The following HM13 variants were observed in gnomAD, a reference collection of about 807,000 sequenced individuals.
HM13 encodes the protein signal peptide peptidase.
Under a neutral mutation model 50.0 loss-of-function variants are expected in HM13, and 18 were observed. The ratio of observed to expected loss-of-function variants is 0.36; its 90% confidence interval spans 0.25 to 0.53. The LOEUF (loss-of-function observed/expected upper bound fraction) is 0.53. HM13 is among the 20% of genes least tolerant of loss of function. The pLI is 0.90. For synonymous variants in HM13, 197 were observed against 232.6 expected, an observed-to-expected ratio of 0.85 and a Z score of 1.39; for missense variants, 393 against 552.4, an observed-to-expected ratio of 0.71 and a Z score of 2.89.
At chr20:31,521,809 A>G (rs894010105) in intron 1 of HM13, among the ~76,000 whole-genome samples, 2 of 150,036 alleles carry the variant, frequency 1.3e-5, no homozygotes. Context: ...CAGTGCAGTA[A>G]TGTTATTGTT....
At chr20:31,518,903 G>A (rs1981974966) in intron 1 of HM13, among the ~76,000 whole-genome samples, 1 of 151,860 alleles carries the variant, frequency 6.6e-6, no homozygotes, top group Non-Finnish European at 1.5e-5. Context: ...CATCTTTTAT[G>A]GTGGGGAGGG....
At chr20:31,530,426 T>C (rs1982747298) in intron 2 of HM13, among the ~76,000 whole-genome samples, 1 of 151,724 alleles carries the variant, frequency 6.6e-6, no homozygotes, top group Admixed American at 6.6e-5. Flanking sequence ...TTTTTTTTTT[T>C]TGAGACAGAG....
At chr20:31,559,372 G>A (rs1269376746) in intron 8 of HM13, among the ~76,000 whole-genome samples, 2 of 152,168 alleles carry the variant, frequency 1.3e-5, no homozygotes, top group South Asian at 2.1e-4. Flanking sequence ...GACATAGTAT[G>A]ATGCGGTGAG....
At chr20:31,566,145 GCT>G in intron 10 of HM13, 63 bp from the exon 11 acceptor site, 1 of 1,226,908 alleles carries the variant, frequency 8.2e-7, no homozygotes, top group Non-Finnish European at 1.2e-6. Context: ...GGTTTGGGGT[GCT>G]GGGCACGGCC....
chr20:31,550,375 G>A (rs1389093879), intron 7 of HM13: 9 of 503,622 alleles, frequency 1.8e-5, no homozygotes, highest in African/African-American at 5.8e-5. Context: ...AGCATGGAGG[G>A]GAAGTGTTTA....
chr20:31,553,529 C>T (rs1484837598), intron 7 of HM13, among the ~76,000 whole-genome samples: 1 of 152,058 alleles, frequency 6.6e-6, no homozygotes, highest in Non-Finnish European at 1.5e-5. Flanking sequence ...GTTGTCTACC[C>T]GTTTCACAGG....
intron 1 of HM13, among the ~76,000 whole-genome samples, chr20:31,519,381 G>A (rs1277655164): frequency 1.3e-5 from 2 of 152,198 alleles, no homozygotes; most frequent in Non-Finnish European, 2.9e-5. Context: ...GATTACAGGC[G>A]TGAGCCACCA....
intron 2 of HM13, among the ~76,000 whole-genome samples, chr20:31,533,218 C>T (rs973914244): frequency 6.6e-6 from 1 of 152,170 alleles, no homozygotes; most frequent in Non-Finnish European, 1.5e-5. Flanking sequence ...TTTAAAACTT[C>T]AGGGCTGAGT....
chr20:31,518,079 G>A (rs1206083307), intron 1 of HM13, among the ~76,000 whole-genome samples: 3 of 148,826 alleles, frequency 2.0e-5, no homozygotes, highest in Admixed American at 1.4e-4. Flanking sequence ...CTTGTTGCCC[G>A]GGCTGGAGTG....
intron 7 of HM13, among the ~76,000 whole-genome samples, chr20:31,552,057 A>C (rs1376684908): frequency 2.0e-5 from 3 of 151,848 alleles, no homozygotes; most frequent in Non-Finnish European, 4.4e-5. Flanking sequence ...GCAGCCCCCG[A>C]GAACCAAGTG....
intron 8 of HM13, among the ~76,000 whole-genome samples, chr20:31,556,802 T>C (rs992078782): frequency 7.2e-5 from 11 of 151,948 alleles, no homozygotes; most frequent in African/African-American, 2.2e-4. Flanking sequence ...GGGTGGATCA[T>C]GAGGTCAGGA....
intron 7 of HM13, chr20:31,550,595 A>C (rs1347784530): frequency 6.4e-6 from 1 of 155,244 alleles, no homozygotes; most frequent in Non-Finnish European, 1.4e-5. Context: ...CGAAAATCTG[A>C]AATCCAGAAT....
At chr20:31,561,883 C>G in intron 10 of HM13, 147 bp downstream of exon 10, 2 of 674,980 alleles carry the variant, frequency 3.0e-6, no homozygotes, top group Non-Finnish European at 5.3e-6. Flanking sequence ...TCTTGGCCTT[C>G]CATTTGTGGT....
intron 2 of HM13, among the ~76,000 whole-genome samples, chr20:31,533,086 C>A (rs73233635): frequency 6.6e-6 from 1 of 152,226 alleles, no homozygotes; most frequent in Admixed American, 6.5e-5. Context: ...TGGCCTCCCC[C>A]CTGACATCTG....
At chr20:31,558,548 C>T (rs893845309) in intron 8 of HM13, among the ~76,000 whole-genome samples, 1 of 128,400 alleles carries the variant, frequency 7.8e-6, no homozygotes, top group Non-Finnish European at 1.5e-5. Flanking sequence ...ACATGCTGTT[C>T]TCTCCTCCTG....
At chr20:31,531,920 C>T (rs1982843525) in intron 2 of HM13, among the ~76,000 whole-genome samples, 1 of 152,056 alleles carries the variant, frequency 6.6e-6, no homozygotes, top group African/African-American at 2.4e-5. Context: ...ATGATCACAC[C>T]ACTGAACTCC....
intron 4 of HM13, chr20:31,547,724 GA>G (rs1983806502): frequency 8.6e-7 from 1 of 1,160,456 alleles, no homozygotes. Flanking sequence ...TTTAGACAAA[GA>G]AAGGGGCCTT....
At position 31,527,594 on chromosome 20, in the gene HM13, G is replaced by T; in HGVS notation, c.282+12G>T. 6.4e-7 allele frequency: 1 copy of T among 1,568,274 alleles called. No individual in the cohort carries two copies. The highest frequency in any genetic ancestry group is 8.8e-7 in the Non-Finnish European group (1 of 1,140,036). On this transcript the variant is annotated intron_variant, in intron 2 of 12. Transcript: ENST00000398174. The stretch of plus-strand genomic sequence containing the variant: ...ACCTCTTTTTCAAAGTAAGTCTTTT[G>T]CCACCTGTTGTGTCATTTGATCTAA...
At chr20:31,525,009 G>A (rs1012595179) in intron 1 of HM13, among the ~76,000 whole-genome samples, 5 of 152,174 alleles carry the variant, frequency 3.3e-5, no homozygotes, top group South Asian at 2.1e-4. Context: ...CATTGTGCCC[G>A]GCCTCTGTGG....
Sources: gnomAD v4.1 joint callset for allele counts (sites outside exome capture counted in the v4.1 genomes callset) on GRCh38, gnomAD v4.1.1 for gene constraint, MANE v1.5 for transcripts, NCBI Gene and HGNC (gene_info 2026-07-23, HGNC 2026-07-21) for gene names.